The following KASH5 variants were observed in gnomAD, a reference collection of about 807,000 sequenced individuals.
KASH5 encodes KASH domain containing 5, also known as protein KASH5.
Under a neutral mutation model 84.2 loss-of-function variants are expected in KASH5, and 72 were observed. That is an observed-to-expected ratio of 0.85 (90% CI 0.71 to 1.04). The LOEUF (loss-of-function observed/expected upper bound fraction) is 1.04. KASH5 is among the 50% of genes least tolerant of loss of function. KASH5 has a pLI of 0.00. For synonymous variants in KASH5, 260 were observed against 279.1 expected, an observed-to-expected ratio of 0.93 and a Z score of 0.68; for missense variants, 650 against 701.0, an observed-to-expected ratio of 0.93 and a Z score of 0.82.
chr19:49,414,867 C>G lies in KASH5; in HGVS notation c.1329-84C>G. 6.5e-7 allele frequency: 1 copy of G among 1,532,394 alleles called. No homozygotes were observed. The highest frequency in any genetic ancestry group is 8.9e-7 in the Non-Finnish European group (1 of 1,126,290). 94.9% of individuals were successfully genotyped at this position (1,532,394 alleles called of 1,614,324 possible). A position where few individuals can be genotyped will look rare whatever the true frequency, so the allele number is the denominator to read the frequency against. ...CTGGCCTGTGCTAAGACCCCCTGCT[C>G]CAAGGCTTCTCTCCCAGCCCATAGT... On this transcript the variant is annotated intron_variant, in intron 16 of 19. Coordinates refer to ENST00000447857, the MANE Select transcript of KASH5 (RefSeq NM_144688.5). The surrounding 1 kb of genome is among the most constrained non-coding windows in gnomAD (Gnocchi z 4.5).
Position 49,414,997 on chromosome 19 carries a change from G to C in KASH5, c.1374+1G>C. 6.2e-7 allele frequency: 1 copy of C among 1,612,000 alleles called. No homozygotes were observed. Among genetic ancestry groups the C allele is most frequent in the South Asian group, 1.1e-5 (1 of 90,388 alleles). On this transcript the variant is annotated splice_donor_variant, in intron 17 of 19. Transcript: ENST00000447857. LOFTEE classifies it high-confidence loss of function. The surrounding 1 kb of genome is among the most constrained non-coding windows in gnomAD (Gnocchi z 4.5). Reference sequence around the variant, plus strand: ...GGAGGATGCAGAGAGCCAGGTCACGGTAGGCAGTCCCCAGCACCCCTCCCC... The same window carrying C: ...GGAGGATGCAGAGAGCCAGGTCACGCTAGGCAGTCCCCAGCACCCCTCCCC...
chr19:49,402,823 A>G (rs10417256), intron 9 of KASH5, among the ~76,000 whole-genome samples: 84,021 of 151,910 alleles, frequency 0.55, 23,386 homozygotes, highest in South Asian at 0.65. Flanking sequence ...TATGGCCACT[A>G]ATGGGTCCAG....
rs775251489 is a variant in KASH5, at chr19:49,417,097, G to A, written c.1439+18G>A. The A allele has an allele frequency of 3.1e-6, 5 of 1,604,426 alleles. No individual in the cohort carries two copies. The African/African-American group carries it at 5.4e-5, about 17-fold the overall frequency. On this transcript the variant is annotated intron_variant, in intron 18 of 19. Coordinates refer to ENST00000447857, the MANE Select transcript of KASH5 (RefSeq NM_144688.5). This position sits in a 1 kb window ranked among gnomAD's most constrained non-coding sequence, Gnocchi z 5.2. Reference sequence around the variant, plus strand: ...CCAGAGAGGTAATAGGACCCACAGGGTCCAGGAGGGACACTGGGGCAAGGA... The same window carrying A: ...CCAGAGAGGTAATAGGACCCACAGGATCCAGGAGGGACACTGGGGCAAGGA...
At position 49,417,030 on chromosome 19, in the gene KASH5, C is replaced by G. The variant is rs753131970; in HGVS notation, c.1390C>G (p.Pro464Ala). Residue 464 changes from proline (P) to alanine (A), a missense_variant, in exon 18 of 20, where the codon CCT (proline) becomes GCT (alanine). Pro to Ala is a conservative substitution (Grantham distance 27). Transcript: ENST00000447857. The surrounding 1 kb of genome is among the most constrained non-coding windows in gnomAD (Gnocchi z 5.2). ...GTCCTTGCAGGCTGATCTCCCTGTC[C>G]CTCTAGGAGCCCCTCGCCCTGGAGA... ...ESQVTADLPVPLGAPRPGDIP... is the reference protein window; with the variant it reads ...ESQVTADLPVALGAPRPGDIP... 15 of 1,590,906 alleles carry G rather than the reference C, an allele frequency of 9.4e-6. No individual in the cohort carries two copies. The highest frequency in any genetic ancestry group is 1.3e-5 in the African/African-American group (1 of 74,326).
intron 14 of KASH5, 84 bp downstream of exon 14, chr19:49,409,367 C>T: frequency 7.2e-7 from 1 of 1,390,420 alleles, no homozygotes; most frequent in Non-Finnish European, 9.9e-7. Flanking sequence ...TCACACCAGC[C>T]TAGCCCTAAC....
intron 9 of KASH5, among the ~76,000 whole-genome samples, chr19:49,400,300 T>C (rs1974321105): frequency 6.7e-6 from 1 of 148,150 alleles, no homozygotes; most frequent in Admixed American, 6.7e-5. Flanking sequence ...ACTTACACAA[T>C]AGGCAACCTT....
At position 49,399,675 on chromosome 19, in the gene KASH5, G is replaced by T. The variant is rs750405994; in HGVS notation, c.798+168G>T. ...TATATCACACTGTGAGAACAGCCGTGGTTTACAAGAGTGTGAGGCATGGGG... is the reference window on the plus strand; with the variant it reads ...TATATCACACTGTGAGAACAGCCGTTGTTTACAAGAGTGTGAGGCATGGGG... On this transcript the variant is annotated intron_variant, in intron 9 of 19. Transcript: ENST00000447857. This position sits in a 1 kb window ranked among gnomAD's most constrained non-coding sequence, Gnocchi z 4.4. The T allele has an allele frequency of 1.4e-4, 206 of 1,476,832 alleles. No individual in the cohort carries two copies. Among genetic ancestry groups the T allele is most frequent in the Admixed American group, 1.3e-4 (6 of 46,444 alleles). 91.5% of individuals were successfully genotyped at this position (1,476,832 alleles called of 1,614,324 possible).
At position 49,407,642 on chromosome 19, in the gene KASH5, A is replaced by G. The variant is rs764490207; in HGVS notation, c.964A>G (p.Thr322Ala). Residue 322 changes from threonine (T) to alanine (A), a missense_variant, in exon 12 of 20, where the codon ACC becomes GCC. Physicochemically the swap from Thr to Ala is moderately conservative, Grantham distance 58 (BLOSUM62 0). Transcript: ENST00000447857. ...RTRDVESLAQTLEEYRVTTQE... is the reference protein window; with the variant it reads ...RTRDVESLAQALEEYRVTTQE... ...TCGCGATGTGGAGAGCCTGGCCCAG[A>G]CCCTGGAAGAATACAGAGTGACGAC... 6.2e-7 allele frequency: 1 copy of G among 1,604,484 alleles called. No homozygotes were observed. Among genetic ancestry groups the G allele is most frequent in the Non-Finnish European group, 8.5e-7 (1 of 1,175,628 alleles).
rs1377620295 is a variant in KASH5, at chr19:49,395,412, T to C, written c.335+120T>C. 1.4e-5 allele frequency: 15 copies of C among 1,099,832 alleles called. No homozygotes were observed. Among genetic ancestry groups the C allele is most frequent in the Non-Finnish European group, 2.0e-5 (15 of 756,426 alleles). 68.1% of individuals were successfully genotyped at this position (1,099,832 alleles called of 1,614,324 possible). On this transcript the variant is annotated intron_variant, in intron 4 of 19. Coordinates refer to ENST00000447857, the MANE Select transcript of KASH5 (RefSeq NM_144688.5). The surrounding 1 kb of genome is among the most constrained non-coding windows in gnomAD (Gnocchi z 4.4). ...ACCTACTGTGTTTGGAATGAGGCTG[T>C]GGAGAGAAAAATGAAGAGACGGGAT...
At position 49,395,017 on chromosome 19, in the gene KASH5, C is replaced by A; in HGVS notation, c.149-89C>A. The A allele has an allele frequency of 2.9e-6, 3 of 1,034,270 alleles. No homozygotes were observed. Among genetic ancestry groups the A allele is most frequent in the Non-Finnish European group, 4.1e-6 (3 of 727,716 alleles). 64.1% of individuals were successfully genotyped at this position (1,034,270 alleles called of 1,614,324 possible). A position where few individuals can be genotyped will look rare whatever the true frequency, so the allele number is the denominator to read the frequency against. Reference sequence around the variant, plus strand: ...TGGAGCAGGAGTGCCACCAGCCTAGCCAGTGACATCCTGGTCCCAAGCTGC... The same window carrying A: ...TGGAGCAGGAGTGCCACCAGCCTAGACAGTGACATCCTGGTCCCAAGCTGC... On this transcript the variant is annotated intron_variant, in intron 3 of 19. Transcript: ENST00000447857. The surrounding 1 kb of genome is among the most constrained non-coding windows in gnomAD (Gnocchi z 4.4).
At chr19:49,397,593 G>T in intron 5 of KASH5, 58 bp from the exon 6 acceptor site, 1 of 1,514,092 alleles carries the variant, frequency 6.6e-7, no homozygotes, top group South Asian at 1.1e-5. Context: ...GAGCCCTGGG[G>T]CACTTTACGT....
In KASH5 at chr19:49,416,527, G is replaced by A. The variant is rs1401507331; in HGVS notation, c.1375-488G>A. On this transcript the variant is annotated intron_variant, in intron 17 of 19. Coordinates refer to ENST00000447857, the MANE Select transcript of KASH5 (RefSeq NM_144688.5). The surrounding 1 kb of genome is among the most constrained non-coding windows in gnomAD (Gnocchi z 5.4). ...GTTTTTAATTAGTAAAGCGCCTGCC[G>A]ATTCTGGCATAGGCAGGAAGACAGG... 5.3e-5 allele frequency among the ~76,000 whole-genome samples: 8 copies of A among 152,258 alleles called. No individual in the cohort carries two copies. The highest frequency in any genetic ancestry group is 3.4e-3 in the Middle Eastern group (1 of 294).
At position 49,390,781 on chromosome 19, in the gene KASH5, C is replaced by A; in HGVS notation, c.-95-8C>A. 1 of 1,317,712 alleles carries A rather than the reference C, an allele frequency of 7.6e-7. No homozygotes were observed. The highest frequency in any genetic ancestry group is 1.0e-6 in the Non-Finnish European group (1 of 980,724). 81.6% of individuals were successfully genotyped at this position (1,317,712 alleles called of 1,614,324 possible). ...TCTGAGGACACCATTTCCTGCTTCTCCTTCCAGGAGTGCTCGGGCCAGCTG... is the reference window on the plus strand; with the variant it reads ...TCTGAGGACACCATTTCCTGCTTCTACTTCCAGGAGTGCTCGGGCCAGCTG... On this transcript the variant is annotated splice_polypyrimidine_tract_variant and splice_region_variant and intron_variant, in intron 1 of 19. Coordinates refer to ENST00000447857, the MANE Select transcript of KASH5 (RefSeq NM_144688.5).
In KASH5 at chr19:49,395,581, C is replaced by T. The variant is rs541277750; in HGVS notation, c.336-188C>T. ...TCCCTCCCCAACCCTTCACCAAACC[C>T]ACTCCTTGCCCCTCCTGCTTTTCCA... On this transcript the variant is annotated intron_variant, in intron 4 of 19. Transcript: ENST00000447857. This position sits in a 1 kb window ranked among gnomAD's most constrained non-coding sequence, Gnocchi z 4.4. 1.2e-4 allele frequency: 79 copies of T among 646,194 alleles called. 1 individual carries two copies. In the African/African-American group the frequency reaches 1.3e-3, roughly 11 times the overall value. The allele number at this position is 646,194 out of a possible 1,614,324, so 40.0% of individuals were successfully genotyped here.
At chr19:49,407,031 T>C in intron 10 of KASH5, 68 bp downstream of exon 10, 1 of 1,464,148 alleles carries the variant, frequency 6.8e-7, no homozygotes, top group Non-Finnish European at 9.4e-7. Context: ...TTTCCGGTTT[T>C]AGTGACTGCA....
At position 49,395,792 on chromosome 19, in the gene KASH5, C is replaced by T. The variant is rs777705158; in HGVS notation, c.359C>T (p.Thr120Ile). The change falls in exon 5 of 20, where the codon ACC becomes ATC. Residue 120 changes from threonine (T) to isoleucine (I), a missense_variant. Transcript: ENST00000447857. This position sits in a 1 kb window ranked among gnomAD's most constrained non-coding sequence, Gnocchi z 4.4. Reference protein sequence around the residue: ...LHGGLELEEETAFQGALTSRQ... With the variant: ...LHGGLELEEEIAFQGALTSRQ... ...AGGGGATTAGAGCTGGAAGAGGAGA[C>T]CGCCTTCCAGGGAGCCCTGACCTCC... 83 of 1,564,122 alleles carry T rather than the reference C, an allele frequency of 5.3e-5. No homozygotes were observed. Among genetic ancestry groups the T allele is most frequent in the Non-Finnish European group, 6.9e-5 (80 of 1,154,442 alleles).
At chr19:49,394,688 G>T in intron 3 of KASH5, 108 bp downstream of exon 3, 1 of 821,042 alleles carries the variant, frequency 1.2e-6, no homozygotes, top group African/African-American at 1.7e-5. Flanking sequence ...CCTCTTGGGG[G>T]TATTGTAAGA....
At chr19:49,406,589 CTGGTCT>C (rs1974533112) in intron 9 of KASH5, among the ~76,000 whole-genome samples, 1 of 152,100 alleles carries the variant, frequency 6.6e-6, no homozygotes, top group Non-Finnish European at 1.5e-5. Flanking sequence ...GTTGGCCAGG[CTGGTCT>C]TGAACTCCTG....
In KASH5 at chr19:49,395,794, G is replaced by A. The variant is rs374730675; in HGVS notation, c.361G>A (p.Ala121Thr). The change falls in exon 5 of 20, where the codon GCC becomes ACC. Residue 121 changes from alanine to threonine, a missense_variant. Transcript: ENST00000447857. This position sits in a 1 kb window ranked among gnomAD's most constrained non-coding sequence, Gnocchi z 4.4. The stretch of plus-strand genomic sequence containing the variant: ...GGGATTAGAGCTGGAAGAGGAGACC[G>A]CCTTCCAGGGAGCCCTGACCTCCCG... ...HGGLELEEET[A>T]FQGALTSRQL... The A allele has an allele frequency of 5.8e-6, 9 of 1,564,414 alleles. No homozygotes were observed. Among genetic ancestry groups the A allele is most frequent in the Admixed American group, 1.9e-5 (1 of 53,104 alleles).
Sources: gnomAD v4.1 joint callset for allele counts (sites outside exome capture counted in the v4.1 genomes callset) on GRCh38, gnomAD v4.1.1 for gene constraint, Gnocchi (gnomAD v3.1) non-coding constraint, MANE v1.5 for transcripts, NCBI Gene and HGNC (gene_info 2026-07-23, HGNC 2026-07-21) for gene names.